ELFN2: variants seen among roughly 807,000 people sequenced by gnomAD.
The protein encoded by ELFN2 is protein phosphatase 1 regulatory subunit 29.
Under a neutral mutation model 45.5 loss-of-function variants are expected in ELFN2, and 17 were observed. The observed-to-expected ratio is 0.37, with a 90% confidence interval of 0.26 to 0.56. ELFN2 has a LOEUF of 0.56. Among genes scored for constraint, ELFN2 ranks in the 20% least tolerant of loss-of-function variants. The pLI is 0.77. For synonymous variants in ELFN2, 550 were observed against 551.5 expected (o/e 1.00, Z 0.04); for missense variants, 922 against 1,183.2 (o/e 0.78, Z 3.24).
Position 37,373,783 on chromosome 22 carries a change from A to G in ELFN2, c.1752T>C (p.Ala584=). The change falls in exon 3 of 3, where the codon GCT becomes GCC. Residue 584 remains alanine (A), a synonymous_variant. Transcript: ENST00000402918. The stretch of plus-strand genomic sequence containing the variant: ...GGCCAGTGGCTGAGGAGGCGGCAGC[A>G]GCTGCAGGGAGGGACTGGCACTCGA... ...LAFECQSLPA[A]AAASSATGPG... The G allele has an allele frequency of 6.3e-7, 1 of 1,599,784 alleles. No individual in the cohort carries two copies. Among genetic ancestry groups the G allele is most frequent in the Non-Finnish European group, 8.5e-7 (1 of 1,175,720 alleles).
In ELFN2 at chr22:37,417,304, C is replaced by T. The variant is rs1315108584; in HGVS notation, c.-463+465G>A. Reference sequence around the variant, plus strand: ...ATTCTGCTGGCGTTTTCCCCTGCTCCCGGCTCACTTCCAGCCTCTCTCTCT... The same window carrying T: ...ATTCTGCTGGCGTTTTCCCCTGCTCTCGGCTCACTTCCAGCCTCTCTCTCT... On this transcript the variant is annotated intron_variant, in intron 2 of 2. Coordinates refer to ENST00000402918, the MANE Select transcript of ELFN2 (RefSeq NM_052906.5). This position sits in a 1 kb window ranked among gnomAD's most constrained non-coding sequence, Gnocchi z 4.5. Among the ~76,000 whole-genome samples, 1 of 152,210 alleles carries T rather than the reference C, an allele frequency of 6.6e-6. No homozygotes were observed. The highest frequency in any genetic ancestry group is 1.5e-5 in the Non-Finnish European group (1 of 68,040).
intron 2 of ELFN2, among the ~76,000 whole-genome samples, chr22:37,397,572 C>T (rs1932248310): frequency 6.6e-6 from 1 of 152,152 alleles, no homozygotes; most frequent in African/African-American, 2.4e-5. Context: ...GTGGACAGAG[C>T]CCCTGCTGGA....
chr22:37,397,291 G>A (rs1932239255), intron 2 of ELFN2, among the ~76,000 whole-genome samples: 1 of 152,230 alleles, frequency 6.6e-6, no homozygotes, highest in Admixed American at 6.5e-5. Context: ...GCCTGGCATG[G>A]AGAAGGCACC....
At chr22:37,395,212 G>C (rs951807022) in intron 2 of ELFN2, among the ~76,000 whole-genome samples, 1 of 152,142 alleles carries the variant, frequency 6.6e-6, no homozygotes. Context: ...TGGCCTCACA[G>C]CGTCACAGCT....
chr22:37,365,748 G>T (rs138195819), downstream of ELFN2, among the ~76,000 whole-genome samples: 595 of 152,304 alleles, frequency 3.9e-3, 6 homozygotes, highest in African/African-American at 0.014. Context: ...GGCCCAGCCA[G>T]CAGAGAAGCC....
intron 2 of ELFN2, among the ~76,000 whole-genome samples, chr22:37,387,363 T>C (rs9622614): frequency 0.038 from 5,765 of 152,256 alleles, 384 homozygotes; most frequent in African/African-American, 0.13. Context: ...GATCCTGGTG[T>C]ATGGTAATTT....
chr22:37,377,498 A>C (rs2145640030), intron 2 of ELFN2, among the ~76,000 whole-genome samples: 1 of 152,326 alleles, frequency 6.6e-6, no homozygotes. Context: ...AAAAAAATTT[A>C]AACCTTTGCC....
At chr22:37,343,422 C>T (rs1930608162) in intron 1 of ELFN2, among the ~76,000 whole-genome samples, 1 of 152,098 alleles carries the variant, frequency 6.6e-6, no homozygotes, top group South Asian at 2.1e-4. Flanking sequence ...TGTGAGGGTT[C>T]CCATCTGCTG....
intron 1 of ELFN2, among the ~76,000 whole-genome samples, chr22:37,350,493 A>G (rs768270464): frequency 2.7e-5 from 4 of 150,100 alleles, no homozygotes; most frequent in East Asian, 3.9e-4. Flanking sequence ...CTGATCCCAC[A>G]TTGCTGAGGA....
rs1342197771 is a variant in ELFN2 at position 37,400,231 on chromosome 22, A to T, written c.-463+17538T>A. Among the ~76,000 whole-genome samples, 3 of 139,610 alleles carry T rather than the reference A, an allele frequency of 2.1e-5. No individual in the cohort carries two copies. In the East Asian group the frequency reaches 6.3e-4, roughly 30 times the overall value. 91.6% of individuals were successfully genotyped at this position (139,610 alleles called of 152,430 possible). On this transcript the variant is annotated intron_variant, in intron 2 of 2. Coordinates refer to ENST00000402918, the MANE Select transcript of ELFN2 (RefSeq NM_052906.5). ...GACCCACCCCCTCGTGTCTACCCCC[A>T]TCCCACCCCACTCCGGTCCAATCAG...
At chr22:37,346,955 G>C (rs1930712256) in intron 1 of ELFN2, among the ~76,000 whole-genome samples, 1 of 151,086 alleles carries the variant, frequency 6.6e-6, no homozygotes, top group African/African-American at 2.4e-5. Context: ...AATGTATCTT[G>C]CTCTTGGAAT....
intron 1 of ELFN2, among the ~76,000 whole-genome samples, chr22:37,349,458 A>T (rs1362733390): frequency 1.3e-5 from 2 of 151,194 alleles, no homozygotes; most frequent in African/African-American, 4.8e-5. Context: ...GAGGCCCCCC[A>T]GGGGCCCTGC....
At chr22:37,416,838 G>A (rs1239796463) in intron 2 of ELFN2, among the ~76,000 whole-genome samples, 1 of 151,984 alleles carries the variant, frequency 6.6e-6, no homozygotes, top group Non-Finnish European at 1.5e-5. Flanking sequence ...CCCCTTCAGG[G>A]CACCCATCAC....
intron 2 of ELFN2, among the ~76,000 whole-genome samples, chr22:37,400,971 T>A (rs1932346925): frequency 1.3e-5 from 2 of 152,382 alleles, no homozygotes; most frequent in South Asian, 4.1e-4. Context: ...AAGTCCTGGC[T>A]CTGTGCCAAG....
chr22:37,410,338 G>T (rs959501005), intron 2 of ELFN2, among the ~76,000 whole-genome samples: 1 of 152,206 alleles, frequency 6.6e-6, no homozygotes, highest in African/African-American at 2.4e-5. Flanking sequence ...AGGAAAGCCG[G>T]CAAGTCTCCA....
At chr22:37,352,252 A>C (rs1479974008) in intron 1 of ELFN2, 1 of 150,916 alleles carries the variant, frequency 6.6e-6, no homozygotes, top group Non-Finnish European at 1.5e-5. Flanking sequence ...AACCCCAACA[A>C]GCAGCCTTCG....
chr22:37,341,816 A>G (rs1176168497), intron 2 of ELFN2, among the ~76,000 whole-genome samples: 1 of 152,184 alleles, frequency 6.6e-6, no homozygotes, highest in Non-Finnish European at 1.5e-5. Flanking sequence ...CATCTGCAAA[A>G]TGGGTCAGTG....
At chr22:37,392,616 C>T (rs2145660570) in intron 2 of ELFN2, among the ~76,000 whole-genome samples, 1 of 152,306 alleles carries the variant, frequency 6.6e-6, no homozygotes, top group Non-Finnish European at 1.5e-5. Flanking sequence ...CCGCGCCCGG[C>T]CAGAACCAGG....
intron 1 of ELFN2, among the ~76,000 whole-genome samples, chr22:37,362,777 C>T (rs1001275537): frequency 1.2e-4 from 18 of 152,176 alleles, no homozygotes; most frequent in African/African-American, 4.3e-4. Flanking sequence ...ATAAACACAC[C>T]CTGGTCCACA....
Sources: gnomAD v4.1 joint callset for allele counts (sites outside exome capture counted in the v4.1 genomes callset) on GRCh38, gnomAD v4.1.1 for gene constraint, Gnocchi (gnomAD v3.1) non-coding constraint, MANE v1.5 for transcripts, NCBI Gene and HGNC (gene_info 2026-07-23, HGNC 2026-07-21) for gene names.